BRI3BP: variants seen among roughly 807,000 people sequenced by gnomAD.
BRI3BP encodes BRI3 binding protein, also known as BRI3-binding protein.
BRI3BP carries 7 observed loss-of-function variants against 15.8 expected under a neutral mutation model. The ratio of observed to expected loss-of-function variants is 0.44; its 90% CI spans 0.25 to 0.83. The LOEUF is 0.83. Among genes scored for constraint, BRI3BP ranks in the 40% least tolerant of loss-of-function variants. The pLI is 0.20. For missense variants in BRI3BP, 320 were observed against 339.3 expected (o/e 0.94, Z 0.45); for synonymous variants, 192 against 163.5 (o/e 1.17, Z -1.33).
chr12:125,029,511 G>A lies in BRI3BP; in HGVS notation c.*4081G>A, dbSNP rs1259142057. On this transcript the variant is annotated 3_prime_UTR_variant, in exon 3 of 3. Transcript: ENST00000341446. The stretch of plus-strand genomic sequence containing the variant: ...CACACCACTGTACTCCAGTTGAGGC[G>A]ACAGAGTGAGACCCAGTCTCAAAAA... 2.7e-5 allele frequency: 4 copies of A among 147,788 alleles called. No individual in the cohort carries two copies. Among genetic ancestry groups the A allele is most frequent in the Admixed American group, 1.4e-4 (2 of 14,620 alleles). The allele number at this position is 147,788 out of a possible 1,614,324, so 9.2% of individuals were successfully genotyped here.
chr12:125,003,522 C>T (rs75248708), intron 1 of BRI3BP, among the ~76,000 whole-genome samples: 6,408 of 152,224 alleles, frequency 0.042, 458 homozygotes, highest in African/African-American at 0.14. Flanking sequence ...CAACTTTCTG[C>T]CATTCTGGTT....
chr12:125,007,649 T>A (rs1955156741), intron 1 of BRI3BP, among the ~76,000 whole-genome samples: 1 of 151,416 alleles, frequency 6.6e-6, no homozygotes, highest in Admixed American at 6.6e-5. Context: ...AACCCAGGAG[T>A]TTGAGACTGC....
chr12:125,024,968 T>C, intron 2 of BRI3BP, 23 bp from the exon 3 acceptor site: 3 of 1,591,488 alleles, frequency 1.9e-6, no homozygotes, highest in East Asian at 2.2e-5. Context: ...TAACGAGCCC[T>C]GTTCCTCTTT....
chr12:125,035,861 T>C (rs1955437060), downstream of BRI3BP, among the ~76,000 whole-genome samples: 1 of 152,106 alleles, frequency 6.6e-6, no homozygotes, highest in African/African-American at 2.4e-5. Flanking sequence ...TGTGGAAATT[T>C]TATGAATTAC....
chr12:125,023,372 T>G (rs1034259511), intron 2 of BRI3BP, among the ~76,000 whole-genome samples: 4 of 152,128 alleles, frequency 2.6e-5, no homozygotes, highest in African/African-American at 9.7e-5. Context: ...AAGGACACAT[T>G]CCTGCTACTT....
intron 1 of BRI3BP, among the ~76,000 whole-genome samples, chr12:125,011,960 G>A (rs1955200495): frequency 1.3e-5 from 2 of 152,192 alleles, no homozygotes; most frequent in African/African-American, 2.4e-5. Context: ...GGAGGGCCAG[G>A]CAGGAGGACT....
chr12:124,999,611 A>T, intron 1 of BRI3BP, among the ~76,000 whole-genome samples: 2 of 130,332 alleles, frequency 1.5e-5, no homozygotes, highest in Admixed American at 7.5e-5. Flanking sequence ...TTTTATTTTT[A>T]TTTATTTATT....
chr12:125,050,219 G>A, the BRI3BP span, among the ~76,000 whole-genome samples: 1 of 151,824 alleles, frequency 6.6e-6, no homozygotes, highest in Non-Finnish European at 1.5e-5. Flanking sequence ...GCATGGTGGC[G>A]GGCGCCTGTA....
downstream of BRI3BP, among the ~76,000 whole-genome samples, chr12:125,035,096 G>A (rs1404525664): frequency 6.6e-6 from 1 of 152,136 alleles, no homozygotes; most frequent in Non-Finnish European, 1.5e-5. Context: ...CTTGTTGATG[G>A]ACTTTTTGGT....
chr12:125,003,063 C>T (rs1169910240), intron 1 of BRI3BP, among the ~76,000 whole-genome samples: 3 of 152,212 alleles, frequency 2.0e-5, no homozygotes, highest in East Asian at 3.8e-4. Flanking sequence ...CTGGCTTTTG[C>T]ATTTCTGTGT....
chr12:125,019,832 G>T (rs1955280961), intron 2 of BRI3BP, among the ~76,000 whole-genome samples: 1 of 151,214 alleles, frequency 6.6e-6, no homozygotes, highest in African/African-American at 2.4e-5. Context: ...TCTCAGAGTG[G>T]TTTGTTCTGC....
intron 2 of BRI3BP, among the ~76,000 whole-genome samples, chr12:125,016,234 A>G (rs1955242407): frequency 6.6e-6 from 1 of 152,132 alleles, no homozygotes; most frequent in South Asian, 2.1e-4. Context: ...GCCCTTTGGA[A>G]TTCGTGTCTT....
chr12:125,003,671 G>A (rs1177788680), intron 1 of BRI3BP, among the ~76,000 whole-genome samples: 2 of 152,046 alleles, frequency 1.3e-5, no homozygotes, highest in East Asian at 1.9e-4. Flanking sequence ...CCACAATACC[G>A]GCCGGGCATG....
intron 2 of BRI3BP, 27 bp from the exon 3 acceptor site, chr12:125,024,964 G>T (rs1247845311): frequency 3.8e-6 from 6 of 1,582,992 alleles, no homozygotes; most frequent in Non-Finnish European, 4.3e-6. Flanking sequence ...TGCGTAACGA[G>T]CCCTGTTCCT....
intron 2 of BRI3BP, among the ~76,000 whole-genome samples, chr12:125,023,552 G>A (rs1314177139): frequency 6.6e-6 from 1 of 152,136 alleles, no homozygotes; most frequent in East Asian, 1.9e-4. Context: ...AGTAAAAGGT[G>A]AAAGTTGTCT....
intron 2 of BRI3BP, among the ~76,000 whole-genome samples, chr12:125,021,001 G>T (rs1955294140): frequency 6.6e-6 from 1 of 152,290 alleles, no homozygotes; most frequent in Non-Finnish European, 1.5e-5. Flanking sequence ...GAAAGCTCTG[G>T]GGACGCTTCA....
chr12:125,010,552 G>A (rs1011391940), intron 1 of BRI3BP, among the ~76,000 whole-genome samples: 1 of 152,198 alleles, frequency 6.6e-6, no homozygotes, highest in Non-Finnish European at 1.5e-5. Flanking sequence ...GCTGAGATGG[G>A]TGGATCACAA....
the BRI3BP span, among the ~76,000 whole-genome samples, chr12:125,044,600 C>A: frequency 6.6e-6 from 1 of 151,816 alleles, no homozygotes; most frequent in Non-Finnish European, 1.5e-5. Context: ...AAGCATGCGC[C>A]ACCACACCCA....
Position 124,993,835 on chromosome 12 carries a change from C to CCTGCTG in BRI3BP, c.69_74dup (p.Leu24_Leu25dup), listed in dbSNP as rs61379857. ...GCGGGCCCCTGGCCCGGGCCGGGCTCCTGCTGCTGCTGCTGCTGCTGCTGC... is the reference window on the plus strand; with the variant it reads ...GCGGGCCCCTGGCCCGGGCCGGGCTCCTGCTGCTGCTGCTGCTGCTGCTGCTGCTGC... On this transcript the variant is annotated inframe_insertion, in exon 1 of 3. Coordinates refer to ENST00000341446, the MANE Select transcript of BRI3BP (RefSeq NM_080626.6). 0.056 allele frequency: 64,084 copies of CCTGCTG among 1,148,602 alleles called. 1,080 individuals are homozygous for CCTGCTG. The highest frequency in any genetic ancestry group is 0.1 in the South Asian group (3,021 of 29,540). 71.2% of individuals were successfully genotyped at this position (1,148,602 alleles called of 1,614,324 possible). A position where few individuals can be genotyped will look rare whatever the true frequency, so the allele number is the denominator to read the frequency against.
Sources: allele counts gnomAD v4.1 joint callset (sites outside exome capture counted in the v4.1 genomes callset), GRCh38; gene constraint gnomAD v4.1.1; transcripts MANE v1.5; gene names NCBI Gene and HGNC (gene_info 2026-07-23, HGNC 2026-07-21).